Variants in EFCAB14 observed in about 807,000 individuals in gnomAD.
EFCAB14 encodes EF-hand calcium-binding domain-containing protein 14.
A neutral mutation model predicts 56.5 loss-of-function variants in EFCAB14; 43 were observed. The ratio of observed to expected loss-of-function variants is 0.76; its 90% confidence interval spans 0.60 to 0.98. The LOEUF (loss-of-function observed/expected upper bound fraction) is 0.98. Ranked by LOEUF, EFCAB14 falls within the 50% of genes least tolerant of loss-of-function variation. EFCAB14 has a pLI of 0.00. For missense variants in EFCAB14, 538 were observed against 580.3 expected, an observed-to-expected ratio of 0.93 and a Z score of 0.75; for synonymous variants, 235 against 212.9, an observed-to-expected ratio of 1.10 and a Z score of -0.90.
intron 8 of EFCAB14, 168 bp downstream of exon 8, chr1:46,686,615 TA>T: frequency 2.8e-6 from 2 of 712,988 alleles, no homozygotes; most frequent in Non-Finnish European, 4.7e-6. Context: ...GGTAGGTGCC[TA>T]AAAAAGTATT....
At chr1:46,689,945 C>G (rs1483977827) in intron 5 of EFCAB14, among the ~76,000 whole-genome samples, 2 of 152,184 alleles carry the variant, frequency 1.3e-5, no homozygotes, top group Non-Finnish European at 2.9e-5. Flanking sequence ...TTCTCAATCT[C>G]TTAAAGGAAT....
intron 10 of EFCAB14, among the ~76,000 whole-genome samples, chr1:46,681,488 G>A (rs959004520): frequency 1.3e-5 from 2 of 152,170 alleles, no homozygotes; most frequent in Admixed American, 6.5e-5. Context: ...TGCAGTGCAA[G>A]GTCCAGTCCA....
intron 5 of EFCAB14, among the ~76,000 whole-genome samples, chr1:46,689,970 C>T (rs780518990): frequency 6.6e-6 from 1 of 152,146 alleles, no homozygotes; most frequent in South Asian, 2.1e-4. Context: ...TCTCTAGAAA[C>T]CATTTCTCCT....
chr1:46,692,544 C>A lies in EFCAB14; in HGVS notation c.580-607G>T, dbSNP rs74929420. Among the ~76,000 whole-genome samples, 856 of 152,254 alleles carry A rather than the reference C, an allele frequency of 5.6e-3. 10 individuals carry two copies. The highest frequency in any genetic ancestry group is 0.033 in the East Asian group (173 of 5,182). On this transcript the variant is annotated intron_variant, in intron 4 of 10. Coordinates refer to ENST00000371933, the MANE Select transcript of EFCAB14 (RefSeq NM_014774.3). ...CTTCACTTGTTAAAAAACTGCCCAA[C>A]AATGTTCTAAAATGGTTATGCCATT...
rs200625014 is a variant in EFCAB14 at position 46,686,806 on chromosome 1, G to T, written c.1052C>A (p.Thr351Lys). 3 of 1,613,730 alleles carry T rather than the reference G, an allele frequency of 1.9e-6. No homozygotes were observed. Among genetic ancestry groups the T allele is most frequent in the Admixed American group, 3.3e-5 (2 of 59,942 alleles). The change falls in exon 8 of 11, where the codon ACA becomes AAA. Residue 351 changes from threonine to lysine, a missense_variant. By Grantham distance (78) the Thr-to-Lys change is moderately conservative. Transcript: ENST00000371933. ...SLDQVTNRTD[T>K]VKIQSIKKED... is the part of the protein sequence containing the mutation. ...TACCTTTATGCTTTGGATTTTTACT[G>T]TATCTGTTCTGTTGGTGACTTGATC...
rs781660119 is a variant in EFCAB14, at chr1:46,678,572, G to A, written c.1377C>T (p.Ile459=). ...GCATAGCAGAACCTAGGGAGGTCCAGATTTCCTGGTAGGTCAGCTTCCCAT... is the reference window on the plus strand; with the variant it reads ...GCATAGCAGAACCTAGGGAGGTCCAAATTTCCTGGTAGGTCAGCTTCCCAT... ...DVDGKLTYQE[I]WTSLGSAMPE... is the part of the protein sequence containing the mutation. The change falls in exon 11 of 11, where the codon ATC becomes ATT. Residue 459 remains isoleucine (I), a synonymous_variant. Transcript: ENST00000371933. 6.2e-7 allele frequency: 1 copy of A among 1,614,044 alleles called. No homozygotes were observed. The highest frequency in any genetic ancestry group is 8.5e-7 in the Non-Finnish European group (1 of 1,180,026).
At chr1:46,703,845 T>C (rs1238614464) in intron 3 of EFCAB14, among the ~76,000 whole-genome samples, 1 of 152,226 alleles carries the variant, frequency 6.6e-6, no homozygotes, top group Non-Finnish European at 1.5e-5. Flanking sequence ...GATGAATGAC[T>C]GCAAAAGTGC....
At chr1:46,702,619 A>G (rs1677175519) in intron 3 of EFCAB14, among the ~76,000 whole-genome samples, 1 of 152,232 alleles carries the variant, frequency 6.6e-6, no homozygotes. Context: ...TGTGCAGTGC[A>G]CCTAATAATG....
In EFCAB14 at chr1:46,718,850, T is replaced by C. The variant is rs1317663020; in HGVS notation, c.-763A>G. The C allele has an allele frequency of 2.0e-5, 3 of 152,258 alleles. No individual in the cohort carries two copies. The highest frequency in any genetic ancestry group is 4.4e-5 in the Non-Finnish European group (3 of 68,080). The allele number at this position is 152,258 out of a possible 1,614,324, so 9.4% of individuals were successfully genotyped here. A position where few individuals can be genotyped will look rare whatever the true frequency, so the allele number is the denominator to read the frequency against. ...CGCGCCTGATAGACCCCCGCCCCGC[T>C]GTCTGGGCCTTGGGGACACGGTGCC... is the stretch of plus-strand genomic sequence containing the variant. On this transcript the variant is annotated 5_prime_UTR_variant, in exon 1 of 11. Coordinates refer to ENST00000371933, the MANE Select transcript of EFCAB14 (RefSeq NM_014774.3).
chr1:46,691,098 A>G (rs1328299458), intron 5 of EFCAB14, among the ~76,000 whole-genome samples: 2 of 152,170 alleles, frequency 1.3e-5, no homozygotes, highest in African/African-American at 4.8e-5. Flanking sequence ...TAAGGCCTCC[A>G]AATGACTGCA....
At chr1:46,695,374 C>T (rs901348464) in intron 4 of EFCAB14, among the ~76,000 whole-genome samples, 3 of 150,994 alleles carry the variant, frequency 2.0e-5, no homozygotes, top group African/African-American at 4.9e-5. Context: ...CCTTTTTTTT[C>T]CCCCCGAATT....
At chr1:46,708,369 A>G (rs958413782) in intron 2 of EFCAB14, among the ~76,000 whole-genome samples, 1 of 152,206 alleles carries the variant, frequency 6.6e-6, no homozygotes, top group Admixed American at 6.5e-5. Flanking sequence ...CTTAGAGCTC[A>G]GTTTCCTCAT....
In EFCAB14 at chr1:46,678,034, C is replaced by T. The variant is rs1676723031; in HGVS notation, c.*427G>A. On this transcript the variant is annotated 3_prime_UTR_variant, in exon 11 of 11. Transcript: ENST00000371933. ...TTTAAATATTTACAAACAGAAAAGG[C>T]CTATCTTTTAAAGAAAAGACATTTT... 6.4e-6 allele frequency: 1 copy of T among 155,178 alleles called. No individual in the cohort carries two copies. The highest frequency in any genetic ancestry group is 6.5e-5 in the Admixed American group (1 of 15,344). 9.6% of individuals were successfully genotyped at this position (155,178 alleles called of 1,614,324 possible).
chr1:46,696,229 A>G (rs1229520888), intron 4 of EFCAB14, among the ~76,000 whole-genome samples: 1 of 152,124 alleles, frequency 6.6e-6, no homozygotes, highest in East Asian at 1.9e-4. Flanking sequence ...AAGCAAGCTG[A>G]AAAGCGAACC....
intron 5 of EFCAB14, among the ~76,000 whole-genome samples, chr1:46,691,533 A>G (rs899411178): frequency 6.6e-6 from 1 of 152,176 alleles, no homozygotes; most frequent in African/African-American, 2.4e-5. Context: ...ACAATGAGAC[A>G]CTTTTCCACT....
chr1:46,678,795 A>C (rs60938733), intron 10 of EFCAB14, among the ~76,000 whole-genome samples, 159 bp from the exon 11 acceptor site: 575 of 151,142 alleles, frequency 3.8e-3, no homozygotes, highest in African/African-American at 0.013. Flanking sequence ...CAGGAAGACT[A>C]ATTTTTGATC....
chr1:46,698,502 G>T (rs1677108027), intron 3 of EFCAB14, among the ~76,000 whole-genome samples: 1 of 152,160 alleles, frequency 6.6e-6, no homozygotes, highest in Non-Finnish European at 1.5e-5. Flanking sequence ...GAGTGACTGG[G>T]TAGCAACTTT....
chr1:46,705,874 C>CT (rs912571101), intron 3 of EFCAB14, among the ~76,000 whole-genome samples: 4 of 147,980 alleles, frequency 2.7e-5, no homozygotes, highest in African/African-American at 7.4e-5. Flanking sequence ...CTTTTTTTTT[C>CT]TTTTTTTTGA....
chr1:46,711,345 G>A (rs1159583437), intron 2 of EFCAB14, among the ~76,000 whole-genome samples: 2 of 152,212 alleles, frequency 1.3e-5, no homozygotes, highest in African/African-American at 2.4e-5. Context: ...AGGGGCAAGG[G>A]GCGAAGTCTC....
Sources: gnomAD v4.1 joint callset for allele counts (sites outside exome capture counted in the v4.1 genomes callset) on GRCh38, gnomAD v4.1.1 for gene constraint, MANE v1.5 for transcripts, NCBI Gene and HGNC (gene_info 2026-07-23, HGNC 2026-07-21) for gene names.